The following N4BP2 variants were observed in gnomAD, a reference collection of about 807,000 sequenced individuals.
N4BP2 encodes the protein NEDD4-binding protein 2.
A neutral mutation model predicts 152.8 loss-of-function variants in N4BP2; 91 were observed. The observed-to-expected ratio is 0.60, with a 90% confidence interval of 0.50 to 0.71. The LOEUF (loss-of-function observed/expected upper bound fraction) is 0.71. Ranked by LOEUF, N4BP2 falls within the 30% of genes least tolerant of loss-of-function variation. N4BP2 has a pLI of 0.00. For missense variants in N4BP2, 1,923 were observed against 2,059.1 expected (o/e 0.93, Z 1.28); for synonymous variants, 646 against 705.3 (o/e 0.92, Z 1.33).
At chr4:40,109,544 C>T (rs1476054157) in intron 5 of N4BP2, among the ~76,000 whole-genome samples, 1 of 151,960 alleles carries the variant, frequency 6.6e-6, no homozygotes, top group Non-Finnish European at 1.5e-5. Context: ...ATGGCGTTAC[C>T]CCATCTCTAC....
chr4:40,127,817 C>T (rs1275448363), intron 12 of N4BP2, among the ~76,000 whole-genome samples: 2 of 152,112 alleles, frequency 1.3e-5, no homozygotes, highest in Admixed American at 6.6e-5. Context: ...CCTGCCACCG[C>T]GCCCGGCTAA....
At chr4:40,147,754 G>C (rs1276918417) in intron 16 of N4BP2, among the ~76,000 whole-genome samples, 1 of 149,392 alleles carries the variant, frequency 6.7e-6, no homozygotes, top group African/African-American at 2.5e-5. Context: ...CGGGCGGAGG[G>C]GCTTCTCACT....
At chr4:40,173,091 T>C in the N4BP2 span, among the ~76,000 whole-genome samples, 1 of 152,108 alleles carries the variant, frequency 6.6e-6, no homozygotes, top group Non-Finnish European at 1.5e-5. Context: ...AAAGGATCTT[T>C]GTGGTCATCT....
intron 1 of N4BP2, among the ~76,000 whole-genome samples, chr4:40,066,622 G>C (rs969811937): frequency 2.6e-5 from 4 of 152,070 alleles, no homozygotes; most frequent in African/African-American, 9.6e-5. Context: ...GCCTAGCCCT[G>C]GTCTGTTTTT....
intron 6 of N4BP2, among the ~76,000 whole-genome samples, chr4:40,112,479 A>G (rs183876153): frequency 2.6e-5 from 4 of 152,058 alleles, no homozygotes; most frequent in Admixed American, 2.6e-4. Context: ...CCTATGTTAT[A>G]TATATTTATT....
At chr4:40,160,223 A>T (rs1579178833), downstream of N4BP2, among the ~76,000 whole-genome samples, 1 of 152,212 alleles carries the variant, frequency 6.6e-6, no homozygotes, top group African/African-American at 2.4e-5. Context: ...TAATGGCAGG[A>T]AGTACATTAG....
the N4BP2 span, among the ~76,000 whole-genome samples, chr4:40,173,070 C>T: frequency 6.6e-6 from 1 of 152,018 alleles, no homozygotes; most frequent in Non-Finnish European, 1.5e-5. Flanking sequence ...CTACCCCCAG[C>T]CCAGAATAAA....
the N4BP2 span, among the ~76,000 whole-genome samples, chr4:40,182,693 G>A: frequency 2.6e-5 from 4 of 150,984 alleles, no homozygotes; most frequent in Admixed American, 2.6e-4. Context: ...CATATGTATA[G>A]AGAGACAGAG....
Position 40,129,136 on chromosome 4 carries a change from C to G in N4BP2, c.4528-2665C>G, listed in dbSNP as rs1293096654. Among the ~76,000 whole-genome samples the G allele has an allele frequency of 2.6e-5, 4 of 152,112 alleles. No homozygotes were observed. The East Asian group carries it at 7.7e-4, about 29-fold the overall frequency. ...ACCATCTCAGCTCACTGCACCTTTGCCTTTTGGGCTCAAGCCATCCTCCCA... is the reference window on the plus strand; with the variant it reads ...ACCATCTCAGCTCACTGCACCTTTGGCTTTTGGGCTCAAGCCATCCTCCCA... On this transcript the variant is annotated intron_variant, in intron 12 of 17. Coordinates refer to ENST00000261435, the MANE Select transcript of N4BP2 (RefSeq NM_018177.6).
chr4:40,107,577 T>TAA (rs1716434386), intron 5 of N4BP2, among the ~76,000 whole-genome samples: 1 of 151,954 alleles, frequency 6.6e-6, no homozygotes, highest in Non-Finnish European at 1.5e-5. Context: ...AGAGACGGGG[T>TAA]TTCCCCGTGT....
chr4:40,093,358 T>C (rs980373376), intron 2 of N4BP2, among the ~76,000 whole-genome samples: 1 of 152,144 alleles, frequency 6.6e-6, no homozygotes, highest in Non-Finnish European at 1.5e-5. Context: ...TCTTTTCTAA[T>C]GTATGCATTT....
intron 2 of N4BP2, among the ~76,000 whole-genome samples, chr4:40,092,015 TATATATATATATA>T (rs1560584916): frequency 9.2e-5 from 8 of 87,154 alleles, no homozygotes; most frequent in Non-Finnish European, 1.8e-4. Context: ...AAATTATATA[TATATATATATATA>T]TATATATATA....
In N4BP2 at chr4:40,102,153, T is replaced by G; in HGVS notation, c.308T>G (p.Val103Gly). Residue 103 changes from valine to glycine, a missense_variant, in exon 4 of 18, where the codon GTT becomes GGT. Physicochemically the swap from Val to Gly is moderately radical, Grantham distance 109. Coordinates refer to ENST00000261435, the MANE Select transcript of N4BP2 (RefSeq NM_018177.6). ...GAAGAATCATCTTCACAAAGTTTCGTTGCTTCTGAGAACCAAGTAGGTGCA... is the reference window on the plus strand; with the variant it reads ...GAAGAATCATCTTCACAAAGTTTCGGTGCTTCTGAGAACCAAGTAGGTGCA... ...KIEESSSQSF[V>G]ASENQVGAAE... 1 of 1,613,482 alleles carries G rather than the reference T, an allele frequency of 6.2e-7. No individual in the cohort carries two copies. The highest frequency in any genetic ancestry group is 1.1e-5 in the South Asian group (1 of 91,036).
At chr4:40,075,173 A>C (rs1364385092) in intron 2 of N4BP2, among the ~76,000 whole-genome samples, 1 of 152,196 alleles carries the variant, frequency 6.6e-6, no homozygotes, top group Non-Finnish European at 1.5e-5. Flanking sequence ...AAACATTATT[A>C]GTTGTAGATA....
chr4:40,113,607 G>A (rs1202425610), intron 7 of N4BP2, 99 bp downstream of exon 7: 4 of 801,118 alleles, frequency 5.0e-6, no homozygotes, highest in Non-Finnish European at 6.5e-6. Context: ...GAATTGATTA[G>A]ATTGTAACTT....
At chr4:40,087,277 T>A (rs560340394) in intron 2 of N4BP2, among the ~76,000 whole-genome samples, 351 of 151,516 alleles carry the variant, frequency 2.3e-3, no homozygotes, top group South Asian at 7.7e-3. Flanking sequence ...AAAAAAAAAA[T>A]TTTTTTTAAA....
rs61748748 is a variant in N4BP2 at position 40,120,693 on chromosome 4, A to T, written c.2582A>T (p.Glu861Val). 32,820 of 1,614,110 alleles carry T rather than the reference A, an allele frequency of 0.02. 445 individuals are homozygous for T. Among genetic ancestry groups the T allele is most frequent in the South Asian group, 0.041 (3,701 of 91,082 alleles). ...GRKSQCDDAS[E>V]PLNSYKYDAY... ...AAGTCACAGTGTGATGATGCTTCAG[A>T]GCCACTCAATAGCTATAAATATGAT... Residue 861 changes from glutamate to valine, a missense_variant, in exon 9 of 18, where the codon GAG becomes GTG. Glu to Val is a moderately radical substitution (Grantham distance 121). Transcript: ENST00000261435.
chr4:40,085,923 G>A (rs1007454770), intron 2 of N4BP2, among the ~76,000 whole-genome samples: 2 of 151,950 alleles, frequency 1.3e-5, no homozygotes, highest in African/African-American at 4.8e-5. Flanking sequence ...CACTTTGGGA[G>A]GCTGAGGCAG....
chr4:40,085,035 C>T (rs1308704465), intron 2 of N4BP2, among the ~76,000 whole-genome samples: 1 of 151,760 alleles, frequency 6.6e-6, no homozygotes, highest in East Asian at 1.9e-4. Context: ...GCCTCAGCCT[C>T]CCGAGTAGCT....
Sources: allele counts gnomAD v4.1 joint callset (sites outside exome capture counted in the v4.1 genomes callset), GRCh38; gene constraint gnomAD v4.1.1; transcripts MANE v1.5; gene names NCBI Gene and HGNC (gene_info 2026-07-23, HGNC 2026-07-21).